Variants in FGF14 observed in about 807,000 individuals in gnomAD.
The protein encoded by FGF14 is fibroblast growth factor homologous factor 4.
A neutral mutation model predicts 25.5 loss-of-function variants in FGF14; 5 were observed. The ratio of observed to expected loss-of-function variants is 0.20; its 90% CI spans 0.10 to 0.41. The LOEUF is 0.41. Ranked by LOEUF, FGF14 falls within the 10% of genes least tolerant of loss-of-function variation. The probability of loss-of-function intolerance (pLI) is 1.00; values close to 1 mark genes in which losing one functional copy is unlikely to be tolerated. For synonymous variants in FGF14, 138 were observed against 118.3 expected (o/e 1.17, Z -1.08); for missense variants, 222 against 320.1 (o/e 0.69, Z 2.34).
intron 3 of FGF14, among the ~76,000 whole-genome samples, chr13:101,786,856 G>A (rs1247767411): frequency 6.6e-6 from 1 of 152,056 alleles, no homozygotes; most frequent in African/African-American, 2.4e-5. Flanking sequence ...TATATAGGCT[G>A]GTGGAAGTTG....
At chr13:101,902,013 A>G (rs894872911) in intron 1 of FGF14, among the ~76,000 whole-genome samples, 1 of 152,194 alleles carries the variant, frequency 6.6e-6, no homozygotes, top group African/African-American at 2.4e-5. Flanking sequence ...GTGAAGTTCA[A>G]TGCAGATAAT....
At chr13:102,354,447 A>G (rs779162312) in intron 1 of FGF14, among the ~76,000 whole-genome samples, 1 of 152,104 alleles carries the variant, frequency 6.6e-6, no homozygotes, top group African/African-American at 2.4e-5. Flanking sequence ...TCTCTTACCA[A>G]TCTATGACCT....
chr13:102,283,342 A>C, intron 1 of FGF14, among the ~76,000 whole-genome samples: 1 of 152,290 alleles, frequency 6.6e-6, no homozygotes, highest in South Asian at 2.1e-4. Flanking sequence ...TTACTTTAAA[A>C]AGAAGAAGAA....
intron 1 of FGF14, among the ~76,000 whole-genome samples, chr13:102,034,801 G>C (rs1430097197): frequency 2.0e-5 from 3 of 152,046 alleles, no homozygotes; most frequent in Non-Finnish European, 2.9e-5. Context: ...AAAATAAAAA[G>C]CACTATTACC....
chr13:102,251,309 C>A (rs1215674000), intron 1 of FGF14, among the ~76,000 whole-genome samples: 4 of 152,084 alleles, frequency 2.6e-5, no homozygotes, highest in Admixed American at 2.6e-4. Flanking sequence ...TCTTGCAATC[C>A]ACCTGTCTGC....
chr13:102,183,347 G>T (rs2048750747), intron 1 of FGF14, among the ~76,000 whole-genome samples: 1 of 151,990 alleles, frequency 6.6e-6, no homozygotes, highest in South Asian at 2.1e-4. Flanking sequence ...CTTGCAGTTT[G>T]GTAGCCTCAT....
At chr13:102,156,938 T>C (rs1265221380) in intron 1 of FGF14, among the ~76,000 whole-genome samples, 2 of 152,094 alleles carry the variant, frequency 1.3e-5, no homozygotes, top group Non-Finnish European at 2.9e-5. Flanking sequence ...TACTTAGGAA[T>C]CCAACTTACA....
intron 1 of FGF14, among the ~76,000 whole-genome samples, chr13:102,029,429 C>G (rs759143399): frequency 2.0e-5 from 3 of 151,994 alleles, no homozygotes; most frequent in Non-Finnish European, 4.4e-5. Flanking sequence ...GCAGAGCTAG[C>G]CCAATGAACA....
chr13:102,019,737 T>C (rs572166930), intron 1 of FGF14, among the ~76,000 whole-genome samples: 102 of 152,326 alleles, frequency 6.7e-4, no homozygotes, highest in African/African-American at 2.4e-3. Flanking sequence ...CATGTTGTAC[T>C]TGTACTGAAG....
chr13:101,952,098 T>C (rs1479904561), intron 1 of FGF14, among the ~76,000 whole-genome samples: 1 of 152,222 alleles, frequency 6.6e-6, no homozygotes, highest in African/African-American at 2.4e-5. Flanking sequence ...GAAGATATTT[T>C]GTTCATATTT....
intron 2 of FGF14, among the ~76,000 whole-genome samples, chr13:101,870,800 A>T (rs1221925704): frequency 1.3e-5 from 2 of 152,048 alleles, no homozygotes; most frequent in Non-Finnish European, 2.9e-5. Flanking sequence ...CTAAAAATAC[A>T]AAATTAGCCA....
At chr13:102,060,124 C>T (rs1436580451) in intron 1 of FGF14, among the ~76,000 whole-genome samples, 2 of 151,280 alleles carry the variant, frequency 1.3e-5, no homozygotes, top group Non-Finnish European at 2.9e-5. Flanking sequence ...ATCACAGATG[C>T]TCAACTGGTA....
At chr13:102,232,414 A>C (rs1594510281) in intron 1 of FGF14, among the ~76,000 whole-genome samples, 1 of 152,204 alleles carries the variant, frequency 6.6e-6, no homozygotes, top group Non-Finnish European at 1.5e-5. Flanking sequence ...CTCTAGGCAA[A>C]CATTCAGTGA....
At chr13:101,996,640 T>C (rs1303050958) in intron 1 of FGF14, among the ~76,000 whole-genome samples, 1 of 152,182 alleles carries the variant, frequency 6.6e-6, no homozygotes, top group Non-Finnish European at 1.5e-5. Context: ...AATAAAGAGC[T>C]GACCATTGGG....
intron 1 of FGF14, among the ~76,000 whole-genome samples, chr13:102,078,678 A>G (rs889576415): frequency 6.6e-6 from 1 of 152,192 alleles, no homozygotes; most frequent in Non-Finnish European, 1.5e-5. Context: ...ATAGAGACCC[A>G]GCAGTTGGAG....
chr13:102,087,575 C>CTTTTTTTT (rs1166446102), intron 1 of FGF14, among the ~76,000 whole-genome samples: 278 of 79,852 alleles, frequency 3.5e-3, no homozygotes, highest in African/African-American at 0.012. Flanking sequence ...CCATGCCTGG[C>CTTTTTTTT]TTTTTTTTTT....
At chr13:101,857,387 G>T (rs2140393985) in intron 3 of FGF14, among the ~76,000 whole-genome samples, 1 of 152,068 alleles carries the variant, frequency 6.6e-6, no homozygotes, top group Non-Finnish European at 1.5e-5. Flanking sequence ...GCTGGGACAT[G>T]TTTATTAACA....
intron 1 of FGF14, among the ~76,000 whole-genome samples, chr13:102,112,490 C>A (rs2045281609): frequency 6.6e-6 from 1 of 152,174 alleles, no homozygotes; most frequent in African/African-American, 2.4e-5. Flanking sequence ...ATTTTTAAAT[C>A]ATTTGAAAGG....
intron 1 of FGF14, among the ~76,000 whole-genome samples, chr13:102,215,226 G>A (rs1194159268): frequency 1.3e-5 from 2 of 152,226 alleles, no homozygotes; most frequent in East Asian, 3.8e-4. Context: ...GGCAGAGGGA[G>A]CACAGAGAAG....
Sources: allele counts gnomAD v4.1 joint callset (sites outside exome capture counted in the v4.1 genomes callset), GRCh38; gene constraint gnomAD v4.1.1; transcripts MANE v1.5; gene names NCBI Gene and HGNC (gene_info 2026-07-23, HGNC 2026-07-21).